The following TDRD12 variants were observed in gnomAD, a reference collection of about 807,000 sequenced individuals.
TDRD12 encodes tudor domain containing 12, also known as putative ATP-dependent RNA helicase TDRD12.
In TDRD12, 158 loss-of-function variants were observed where a neutral mutation model predicts 133.5. The observed-to-expected ratio is 1.18, with a 90% CI of 1.04 to 1.35. The LOEUF (loss-of-function observed/expected upper bound fraction) is 1.35. TDRD12 is among the 40% of genes most tolerant of loss of function. The probability of loss-of-function intolerance (pLI) is 0.00; values close to 1 mark genes in which losing one functional copy is unlikely to be tolerated. For synonymous variants in TDRD12, 460 were observed against 477.9 expected (o/e 0.96, Z 0.49); for missense variants, 1,443 against 1,321.3 (o/e 1.09, Z -1.43).
At chr19:32,762,453 A>G (rs1451796398) in intron 8 of TDRD12, among the ~76,000 whole-genome samples, 9 of 152,212 alleles carry the variant, frequency 5.9e-5, no homozygotes, top group Non-Finnish European at 5.9e-5. Flanking sequence ...GAGTTTTATT[A>G]GAGAAATCTT....
intron 4 of TDRD12, among the ~76,000 whole-genome samples, chr19:32,744,509 A>C (rs1278134693): frequency 6.7e-6 from 1 of 149,940 alleles, no homozygotes; most frequent in East Asian, 2.0e-4. Flanking sequence ...CAAAAAAAAA[A>C]AAAAAAAAAA....
chr19:32,722,932 G>A (rs924839420), intron 1 of TDRD12, among the ~76,000 whole-genome samples: 7 of 151,866 alleles, frequency 4.6e-5, no homozygotes, highest in Non-Finnish European at 1.0e-4. Flanking sequence ...TGCCCTCCTC[G>A]GCCTCCCAAA....
At chr19:32,822,049 A>C (rs1250782155), downstream of TDRD12, among the ~76,000 whole-genome samples, 1 of 152,166 alleles carries the variant, frequency 6.6e-6, no homozygotes, top group African/African-American at 2.4e-5. Flanking sequence ...TGAACCCGGG[A>C]GGCAGAGGTT....
At chr19:32,778,798 A>G (rs1370435287) in intron 11 of TDRD12, among the ~76,000 whole-genome samples, 1 of 152,136 alleles carries the variant, frequency 6.6e-6, no homozygotes, top group Non-Finnish European at 1.5e-5. Context: ...CTGTGCCCGG[A>G]TGACCCTGGA....
chr19:32,806,302 T>A (rs991073091), intron 21 of TDRD12, among the ~76,000 whole-genome samples: 9 of 151,942 alleles, frequency 5.9e-5, no homozygotes, highest in Admixed American at 2.6e-4. Flanking sequence ...AATGTGTTAC[T>A]AGCAGTATTC....
At chr19:32,824,388 G>A (rs545024579), downstream of TDRD12, 328 of 152,978 alleles carry the variant, frequency 2.1e-3, no homozygotes, top group Non-Finnish European at 3.9e-3. Flanking sequence ...CGTGACACCC[G>A]CATGCCACTG....
In TDRD12 at chr19:32,798,242, T is replaced by A; in HGVS notation, c.1631-66T>A. The A allele has an allele frequency of 4.1e-6, 6 of 1,473,398 alleles. No homozygotes were observed. In the Admixed American group the frequency reaches 1.2e-4, roughly 30 times the overall value. The allele number at this position is 1,473,398 out of a possible 1,614,324, so 91.3% of individuals were successfully genotyped here. The stretch of plus-strand genomic sequence containing the variant: ...CATTTCTAGAAAGTATGTGGACTCT[T>A]AGCAGAGGAAATCTTAGAAAAACCT... On this transcript the variant is annotated intron_variant, in intron 15 of 27. Transcript: ENST00000444215.
intron 2 of TDRD12, among the ~76,000 whole-genome samples, chr19:32,738,419 C>T (rs975970823): frequency 1.3e-5 from 2 of 152,194 alleles, no homozygotes; most frequent in African/African-American, 4.8e-5. Flanking sequence ...GGCCTCCTGG[C>T]ATCTCTTTCC....
intron 10 of TDRD12, among the ~76,000 whole-genome samples, chr19:32,775,926 G>GTTA (rs1420321058): frequency 2.0e-5 from 3 of 152,200 alleles, no homozygotes; most frequent in African/African-American, 7.2e-5. Context: ...TCTAGAGAGT[G>GTTA]TTGGTTGGTG....
At chr19:32,758,890 T>C (rs1354095226) in intron 8 of TDRD12, among the ~76,000 whole-genome samples, 2 of 151,792 alleles carry the variant, frequency 1.3e-5, no homozygotes, top group Non-Finnish European at 2.9e-5. Context: ...GCCAAGATTA[T>C]GTCATTGCAC....
At chr19:32,761,219 T>A (rs946610262) in intron 8 of TDRD12, among the ~76,000 whole-genome samples, 2 of 152,104 alleles carry the variant, frequency 1.3e-5, no homozygotes, top group Non-Finnish European at 2.9e-5. Flanking sequence ...AGGTTCACAC[T>A]ATTCTCCTGC....
intron 9 of TDRD12, 90 bp from the exon 10 acceptor site, chr19:32,773,366 G>C: frequency 8.7e-7 from 1 of 1,144,306 alleles, no homozygotes; most frequent in Non-Finnish European, 1.3e-6. Flanking sequence ...TTGTTCATGA[G>C]AATAACTCCC....
intron 9 of TDRD12, among the ~76,000 whole-genome samples, 179 bp downstream of exon 32, chr19:32,826,928 C>A (rs1360449074): frequency 6.6e-6 from 1 of 152,124 alleles, no homozygotes; most frequent in Admixed American, 6.5e-5. Context: ...TACTTTTCAA[C>A]CCTTGGTGAT....
intron 11 of TDRD12, among the ~76,000 whole-genome samples, chr19:32,789,320 T>G (rs1183037404): frequency 2.6e-5 from 4 of 152,198 alleles, no homozygotes; most frequent in African/African-American, 9.6e-5. Context: ...TTTTGAAATA[T>G]GATTCATGTA....
intron 6 of TDRD12, 25 bp downstream of exon 6, chr19:32,749,894 T>C: frequency 7.0e-7 from 1 of 1,432,796 alleles, no homozygotes. Context: ...TGTATTTTTA[T>C]AATATTTCAT....
chr19:32,767,550 A>G (rs1384171652), intron 8 of TDRD12, among the ~76,000 whole-genome samples: 2 of 152,202 alleles, frequency 1.3e-5, no homozygotes, highest in East Asian at 1.9e-4. Flanking sequence ...CTAACATGTC[A>G]TAAGCGTGCA....
At chr19:32,734,634 A>G (rs934694646) in intron 2 of TDRD12, among the ~76,000 whole-genome samples, 2 of 152,078 alleles carry the variant, frequency 1.3e-5, no homozygotes, top group African/African-American at 4.8e-5. Context: ...TGGCCTCCCA[A>G]AACGCTGGGA....
At chr19:32,736,704 A>G (rs574914498) in intron 2 of TDRD12, among the ~76,000 whole-genome samples, 10 of 152,344 alleles carry the variant, frequency 6.6e-5, no homozygotes, top group Admixed American at 2.6e-4. Flanking sequence ...AGCAATCTCT[A>G]TCAGTCCCCT....
intron 8 of TDRD12, among the ~76,000 whole-genome samples, chr19:32,764,464 C>T (rs997922547): frequency 5.9e-5 from 9 of 152,188 alleles, no homozygotes; most frequent in African/African-American, 2.2e-4. Context: ...ATTTATGGAA[C>T]CCTATATCTG....
Sources: gnomAD v4.1 joint callset for allele counts (sites outside exome capture counted in the v4.1 genomes callset) on GRCh38, gnomAD v4.1.1 for gene constraint, MANE v1.5 for transcripts, NCBI Gene and HGNC (gene_info 2026-07-23, HGNC 2026-07-21) for gene names.